The following LNX2 variants were observed in gnomAD, a reference collection of about 807,000 sequenced individuals.
LNX2 encodes ligand of numb-protein X 2, also known as ligand of Numb protein X 2.
In LNX2, 35 loss-of-function variants were observed where a neutral mutation model predicts 66.2. The observed-to-expected ratio is 0.53, with a 90% CI of 0.40 to 0.70. The LOEUF is 0.70. Ranked by LOEUF, LNX2 falls within the 30% of genes least tolerant of loss-of-function variation. The probability of loss-of-function intolerance (pLI) is 0.00; values close to 1 mark genes in which losing one functional copy is unlikely to be tolerated. For synonymous variants in LNX2, 337 were observed against 315.6 expected (o/e 1.07, Z -0.72); for missense variants, 791 against 850.8 (o/e 0.93, Z 0.87).
intron 1 of LNX2, among the ~76,000 whole-genome samples, chr13:27,611,701 ACTGT>A (rs148171095): frequency 0.022 from 3,400 of 152,328 alleles, 136 homozygotes; most frequent in African/African-American, 0.077. Flanking sequence ...ACTGAGATAT[ACTGT>A]CTAAGTGCAA....
At chr13:27,585,681 C>G (rs1260728631) in intron 1 of LNX2, among the ~76,000 whole-genome samples, 1 of 151,916 alleles carries the variant, frequency 6.6e-6, no homozygotes, top group African/African-American at 2.4e-5. Flanking sequence ...GGAATTTCTG[C>G]AGATTCTTGT....
chr13:27,552,749 A>C (rs1179592334), intron 8 of LNX2, among the ~76,000 whole-genome samples: 2 of 152,050 alleles, frequency 1.3e-5, no homozygotes, highest in Non-Finnish European at 2.9e-5. Context: ...GGCTTAATAG[A>C]CTCTTGTATC....
At chr13:27,574,976 C>T (rs916416534) in intron 2 of LNX2, among the ~76,000 whole-genome samples, 24 of 152,136 alleles carry the variant, frequency 1.6e-4, no homozygotes, top group African/African-American at 4.8e-4. Context: ...TATATCCAGC[C>T]GACTTCAAAA....
At chr13:27,584,096 C>A (rs1261785355) in intron 1 of LNX2, among the ~76,000 whole-genome samples, 1 of 152,086 alleles carries the variant, frequency 6.6e-6, no homozygotes, top group Non-Finnish European at 1.5e-5. Flanking sequence ...AAAACACACT[C>A]AAGGGAGGGG....
intron 1 of LNX2, among the ~76,000 whole-genome samples, chr13:27,589,049 G>A (rs1480327484): frequency 6.6e-6 from 1 of 152,154 alleles, no homozygotes; most frequent in Non-Finnish European, 1.5e-5. Flanking sequence ...GAAAGAAAAG[G>A]GGGTAAATGA....
intron 1 of LNX2, among the ~76,000 whole-genome samples, chr13:27,583,304 G>T (rs73446882): frequency 0.011 from 1,643 of 147,106 alleles, 142 homozygotes; most frequent in African/African-American, 0.041. Flanking sequence ...TCTGTTGCCC[G>T]GCTGGAGTAC....
chr13:27,569,385 G>T (rs748541705), intron 2 of LNX2, 109 bp from the exon 3 acceptor site: 2 of 1,152,904 alleles, frequency 1.7e-6, no homozygotes, highest in Non-Finnish European at 2.5e-6. Flanking sequence ...GAAGCTAGAA[G>T]TACCTATAGG....
At chr13:27,568,689 T>C (rs546284336) in intron 3 of LNX2, among the ~76,000 whole-genome samples, 206 of 152,352 alleles carry the variant, frequency 1.4e-3, no homozygotes, top group African/African-American at 3.3e-3. Context: ...GTTCTTGATG[T>C]TGACTTCTTA....
intron 2 of LNX2, among the ~76,000 whole-genome samples, chr13:27,571,730 G>A (rs1955282330): frequency 6.6e-6 from 1 of 152,202 alleles, no homozygotes; most frequent in East Asian, 1.9e-4. Context: ...AAGTATTAGG[G>A]AATGAGTAGA....
intron 1 of LNX2, among the ~76,000 whole-genome samples, chr13:27,587,889 C>G (rs1955506352): frequency 6.6e-6 from 1 of 152,030 alleles, no homozygotes; most frequent in East Asian, 1.9e-4. Flanking sequence ...GGCATGGTGG[C>G]GAGTGCCTGT....
chr13:27,585,139 A>AAATG (rs1160066171), intron 1 of LNX2, among the ~76,000 whole-genome samples: 1 of 150,882 alleles, frequency 6.6e-6, no homozygotes, highest in Non-Finnish European at 1.5e-5. Flanking sequence ...AAAAAAAAAA[A>AAATG]AATGGGCGAG....
Position 27,581,748 on chromosome 13 carries a change from G to A in LNX2, c.-45C>T, listed in dbSNP as rs1432436035. ...CTCATGTGTTAGACTTCCACTTCAC[G>A]CTTGGTTTCCTTTAACAGACAGTGA... On this transcript the variant is annotated 5_prime_UTR_variant, in exon 2 of 10. Coordinates refer to ENST00000316334, the MANE Select transcript of LNX2 (RefSeq NM_153371.4). 2.0e-6 allele frequency: 3 copies of A among 1,510,486 alleles called. No homozygotes were observed. The highest frequency in any genetic ancestry group is 2.7e-6 in the Non-Finnish European group (3 of 1,122,402). The allele number at this position is 1,510,486 out of a possible 1,614,324, so 93.6% of individuals were successfully genotyped here.
chr13:27,619,106 A>C (rs1368346971), intron 1 of LNX2, among the ~76,000 whole-genome samples: 1 of 152,256 alleles, frequency 6.6e-6, no homozygotes, highest in Non-Finnish European at 1.5e-5. Context: ...GAAACAAGAT[A>C]TATGGAGAAT....
intron 1 of LNX2, among the ~76,000 whole-genome samples, chr13:27,611,918 T>C (rs1955778136): frequency 6.6e-6 from 1 of 152,192 alleles, no homozygotes; most frequent in African/African-American, 2.4e-5. Flanking sequence ...GATTGGAGCA[T>C]ATTTATAGGC....
chr13:27,594,510 T>G (rs1382211722), intron 1 of LNX2, among the ~76,000 whole-genome samples: 1 of 152,188 alleles, frequency 6.6e-6, no homozygotes, highest in Non-Finnish European at 1.5e-5. Flanking sequence ...GAGATAAAGA[T>G]TTGCCTCTAT....
chr13:27,614,783 G>T (rs1020856216), intron 1 of LNX2, among the ~76,000 whole-genome samples: 5 of 152,158 alleles, frequency 3.3e-5, no homozygotes, highest in Admixed American at 1.3e-4. Context: ...TCTCATAAAC[G>T]ATTAAGTCTT....
chr13:27,587,523 T>C (rs914834293), intron 1 of LNX2, among the ~76,000 whole-genome samples: 1 of 152,170 alleles, frequency 6.6e-6, no homozygotes, highest in Admixed American at 6.5e-5. Flanking sequence ...TATTCATATA[T>C]GAGGAAATAT....
chr13:27,589,078 G>C (rs1394160875), intron 1 of LNX2, among the ~76,000 whole-genome samples: 1 of 152,158 alleles, frequency 6.6e-6, no homozygotes, highest in African/African-American at 2.4e-5. Flanking sequence ...CAGCATCGAA[G>C]AGTTCTAAAA....
chr13:27,600,785 T>C (rs1955649294), intron 1 of LNX2, among the ~76,000 whole-genome samples: 1 of 152,154 alleles, frequency 6.6e-6, no homozygotes, highest in African/African-American at 2.4e-5. Context: ...CAGAATTACA[T>C]CTTCCTATTT....
Sources: allele counts gnomAD v4.1 joint callset (sites outside exome capture counted in the v4.1 genomes callset), GRCh38; gene constraint gnomAD v4.1.1; transcripts MANE v1.5; gene names NCBI Gene and HGNC (gene_info 2026-07-23, HGNC 2026-07-21).